CELF2: variants seen among roughly 807,000 people sequenced by gnomAD.
The protein encoded by CELF2 is CUGBP Elav-like family member 2, also known as CUG triplet repeat RNA-binding protein 2.
In CELF2, 8 loss-of-function variants were observed where a neutral mutation model predicts 62.6. The observed-to-expected ratio is 0.13, with a 90% CI of 0.07 to 0.23. The LOEUF is 0.23. Among genes scored for constraint, CELF2 ranks in the 10% least tolerant of loss-of-function variants. The pLI is 1.00. For synonymous variants in CELF2, 258 were observed against 250.0 expected (o/e 1.03, Z -0.30); for missense variants, 333 against 671.0 (o/e 0.50, Z 5.56).
At chr10:10,962,421 T>C (rs1460251727) in intron 2 of CELF2, among the ~76,000 whole-genome samples, 1 of 152,110 alleles carries the variant, frequency 6.6e-6, no homozygotes, top group Non-Finnish European at 1.5e-5. Context: ...AAGTATACCA[T>C]AACGAGAAAT....
rs907564811 is a variant in CELF2 at position 10,957,648 on chromosome 10, C to T, written c.89+37649C>T. Among the ~76,000 whole-genome samples, 18 of 152,082 alleles carry T rather than the reference C, an allele frequency of 1.2e-4. 1 individual carries two copies. The highest frequency in any genetic ancestry group is 1.2e-3 in the Admixed American group (18 of 15,270). On this transcript the variant is annotated intron_variant, in intron 2 of 13. Transcript: ENST00000636488. The surrounding 1 kb of genome is among the most constrained non-coding windows in gnomAD (Gnocchi z 4.1). ...ACGTTCAGGATCACTTCTGTGCTCC[C>T]GATGTAGTAAAATGACTCATAATTG...
chr10:10,815,878 A>G (rs1193987734), intron 1 of CELF2, among the ~76,000 whole-genome samples: 1 of 148,742 alleles, frequency 6.7e-6, no homozygotes, highest in Non-Finnish European at 1.5e-5. Context: ...CCTTGACTCT[A>G]TATTTCATAG....
chr10:10,932,546 T>C (rs1161788339), intron 2 of CELF2, among the ~76,000 whole-genome samples: 4 of 152,158 alleles, frequency 2.6e-5, no homozygotes, highest in Non-Finnish European at 5.9e-5. Flanking sequence ...CAATTAAAAA[T>C]TAAACTAATA....
At chr10:10,965,505 C>T (rs2050030677) in intron 2 of CELF2, among the ~76,000 whole-genome samples, 6 of 152,128 alleles carry the variant, frequency 3.9e-5, no homozygotes, top group Admixed American at 3.9e-4. Context: ...CAATTCTGGG[C>T]CTGAACCCCA....
intron 1 of CELF2, among the ~76,000 whole-genome samples, chr10:10,862,419 A>G (rs766601062): frequency 1.3e-5 from 2 of 152,028 alleles, no homozygotes; most frequent in Non-Finnish European, 2.9e-5. Flanking sequence ...GTCATCTGGA[A>G]CTCATTTGGG....
At chr10:11,032,544 T>A (rs1248066990) in intron 1 of CELF2, among the ~76,000 whole-genome samples, 1 of 152,232 alleles carries the variant, frequency 6.6e-6, no homozygotes, top group African/African-American at 2.4e-5. Context: ...TTCCTTGGTT[T>A]TGGATGGAAA....
intron 1 of CELF2, among the ~76,000 whole-genome samples, chr10:10,834,922 C>G (rs1182460844): frequency 6.6e-6 from 1 of 152,144 alleles, no homozygotes; most frequent in Non-Finnish European, 1.5e-5. Flanking sequence ...GGGCTCCACA[C>G]CTTTGAACCA....
chr10:11,240,569 A>C (rs74804524), intron 3 of CELF2, among the ~76,000 whole-genome samples: 11,652 of 152,222 alleles, frequency 0.077, 459 homozygotes, highest in Middle Eastern at 0.15. Flanking sequence ...TCGAATGGCA[A>C]ATTAGCCGGG....
chr10:11,096,670 C>T (rs549699242), intron 1 of CELF2, among the ~76,000 whole-genome samples: 79 of 152,244 alleles, frequency 5.2e-4, no homozygotes, highest in African/African-American at 1.8e-3. Context: ...AAGAGTTTGA[C>T]CGAAATGACA....
chr10:11,222,818 A>G (rs946283746), intron 3 of CELF2, among the ~76,000 whole-genome samples: 43 of 152,278 alleles, frequency 2.8e-4, no homozygotes, highest in African/African-American at 7.5e-4. Context: ...AAATATTTCA[A>G]ATGTTCCAAA....
chr10:10,819,421 A>G lies in CELF2; in HGVS notation c.53+20604A>G, dbSNP rs1352434570. ...AAACCACGAATTTTAGCATGAGTTT[A>G]GCGTGAAACTGTTTTTGCCAGGGTT... On this transcript the variant is annotated intron_variant, in intron 1 of 13. Transcript: ENST00000636488. Among the ~76,000 whole-genome samples, 46 of 152,174 alleles carry G rather than the reference A, an allele frequency of 3.0e-4. 1 individual carries two copies. Among genetic ancestry groups the G allele is most frequent in the Admixed American group, 2.9e-3 (45 of 15,274 alleles).
In CELF2 at chr10:10,957,967, A is replaced by G. The variant is rs902559532; in HGVS notation, c.89+37968A>G. 1.3e-5 allele frequency among the ~76,000 whole-genome samples: 2 copies of G among 152,184 alleles called. No individual in the cohort carries two copies. The highest frequency in any genetic ancestry group is 4.8e-5 in the African/African-American group (2 of 41,452). On this transcript the variant is annotated intron_variant, in intron 2 of 13. Coordinates refer to the CELF2 transcript ENST00000636488. The surrounding 1 kb of genome is among the most constrained non-coding windows in gnomAD (Gnocchi z 4.1). Reference sequence around the variant, plus strand: ...TGTTTCAGAGGAGCGCTATGACTTAAGGAATGTATATGAAATCTTCACCAG... The same window carrying G: ...TGTTTCAGAGGAGCGCTATGACTTAGGGAATGTATATGAAATCTTCACCAG...
the CELF2 span, among the ~76,000 whole-genome samples, chr10:10,529,303 T>G: frequency 6.6e-6 from 1 of 152,106 alleles, no homozygotes; most frequent in African/African-American, 2.4e-5. Flanking sequence ...CAGGAAGGAA[T>G]GAGAAAATTC....
chr10:10,501,320 T>C, the CELF2 span, among the ~76,000 whole-genome samples: 1 of 152,166 alleles, frequency 6.6e-6, no homozygotes, highest in African/African-American at 2.4e-5. Context: ...GTAATGGTAG[T>C]TCTTTGTGGT....
rs1353370696 is a variant in CELF2, at chr10:11,332,824, A to G, written c.*3771A>G. The G allele has an allele frequency of 6.6e-6, 1 of 152,542 alleles. No homozygotes were observed. The highest frequency in any genetic ancestry group is 2.4e-5 in the African/African-American group (1 of 41,394). 9.4% of individuals were successfully genotyped at this position (152,542 alleles called of 1,614,324 possible). A position where few individuals can be genotyped will look rare whatever the true frequency, so the allele number is the denominator to read the frequency against. On this transcript the variant is annotated 3_prime_UTR_variant, in exon 13 of 13. Transcript: ENST00000633077. The stretch of plus-strand genomic sequence containing the variant: ...CAATGACATGATTTGTATTATCCTC[A>G]CATGTGTTTACTACTGCTGGGGCCT...
intron 1 of CELF2, among the ~76,000 whole-genome samples, chr10:10,847,937 TA>T (rs2059120146): frequency 6.6e-6 from 1 of 152,236 alleles, no homozygotes; most frequent in Non-Finnish European, 1.5e-5. Context: ...TACTGTAAAT[TA>T]AAGTACATTT....
At chr10:10,622,433 AC>A in the CELF2 span, among the ~76,000 whole-genome samples, 1 of 151,832 alleles carries the variant, frequency 6.6e-6, no homozygotes, top group Non-Finnish European at 1.5e-5. Flanking sequence ...ACATAGTGAG[AC>A]CCCATCACTA....
chr10:11,042,212 C>T (rs933142483), intron 1 of CELF2, among the ~76,000 whole-genome samples: 5 of 152,140 alleles, frequency 3.3e-5, no homozygotes, highest in East Asian at 1.9e-4. Flanking sequence ...TGTTATTATT[C>T]GACAGTAGAC....
Position 10,936,480 on chromosome 10 carries a change from C to A in CELF2, c.89+16481C>A, listed in dbSNP as rs2146554. The stretch of plus-strand genomic sequence containing the variant: ...TAGGCTGAAGATCAGACAGTGGAAA[C>A]TAAGTCCTCATGACCACACTGTGTG... On this transcript the variant is annotated intron_variant, in intron 2 of 13. Coordinates refer to the CELF2 transcript ENST00000636488. This position sits in a 1 kb window ranked among gnomAD's most constrained non-coding sequence, Gnocchi z 4.0. 6.6e-6 allele frequency: 1 copy of A among 151,994 alleles called. No individual in the cohort carries two copies. The highest frequency in any genetic ancestry group is 2.4e-5 in the African/African-American group (1 of 41,380). The allele number at this position is 151,994 out of a possible 1,614,324, so 9.4% of individuals were successfully genotyped here. A position where few individuals can be genotyped will look rare whatever the true frequency, so the allele number is the denominator to read the frequency against.
Sources: allele counts gnomAD v4.1 joint callset (sites outside exome capture counted in the v4.1 genomes callset), GRCh38; gene constraint gnomAD v4.1.1; non-coding constraint Gnocchi (gnomAD v3.1); transcripts MANE v1.5; gene names NCBI Gene and HGNC (gene_info 2026-07-23, HGNC 2026-07-21).